DLG2: variants seen among roughly 807,000 people sequenced by gnomAD.
DLG2 encodes disks large homolog 2.
DLG2 carries 45 observed loss-of-function variants against 132.5 expected under a neutral mutation model. The ratio of observed to expected loss-of-function variants is 0.34; its 90% CI spans 0.27 to 0.44. DLG2 has a LOEUF of 0.44. Ranked by LOEUF, DLG2 falls within the 20% of genes least tolerant of loss-of-function variation. The probability of loss-of-function intolerance (pLI) is 1.00; values close to 1 mark genes in which losing one functional copy is unlikely to be tolerated. For missense variants in DLG2, 1,045 were observed against 1,196.9 expected, an observed-to-expected ratio of 0.87 and a Z score of 1.87; for synonymous variants, 424 against 419.6, an observed-to-expected ratio of 1.01 and a Z score of -0.13.
chr11:84,587,356 G>A (rs2099532213), intron 6 of DLG2, among the ~76,000 whole-genome samples: 1 of 152,050 alleles, frequency 6.6e-6, no homozygotes, highest in South Asian at 2.1e-4. Context: ...ACCCAAGACT[G>A]CTCTCATTCC....
chr11:84,670,740 T>C lies in DLG2; in HGVS notation c.358-136009A>G, dbSNP rs145785450. On this transcript the variant is annotated intron_variant, in intron 6 of 27. Coordinates refer to ENST00000376104, the MANE Select transcript of DLG2 (RefSeq NM_001142699.3). Reference sequence around the variant, plus strand: ...ATGACTGAGTGGGTAGAGCCAAGATTTGAACTTAGTCCTGTCTGATTCAAA... The same window carrying C: ...ATGACTGAGTGGGTAGAGCCAAGATCTGAACTTAGTCCTGTCTGATTCAAA... Among the ~76,000 whole-genome samples the C allele has an allele frequency of 1.4e-3, 206 of 152,274 alleles. 3 individuals carry two copies. In the East Asian group the frequency reaches 0.036, roughly 27 times the overall value.
chr11:84,232,028 G>A (rs2097100313), intron 8 of DLG2, among the ~76,000 whole-genome samples: 1 of 151,744 alleles, frequency 6.6e-6, no homozygotes, highest in Non-Finnish European at 1.5e-5. Context: ...GGGGAAGGAA[G>A]AGAAACAAAC....
chr11:84,830,832 C>T (rs1355818702), intron 6 of DLG2, among the ~76,000 whole-genome samples: 3 of 151,182 alleles, frequency 2.0e-5, no homozygotes, highest in Non-Finnish European at 3.0e-5. Context: ...AATATTTAGC[C>T]TGGCCTCACT....
At chr11:84,176,841 T>C (rs185898271) in intron 8 of DLG2, among the ~76,000 whole-genome samples, 27 of 152,240 alleles carry the variant, frequency 1.8e-4, no homozygotes, top group African/African-American at 5.5e-4. Flanking sequence ...TGCTCAAGCA[T>C]AGCTCACTGC....
intron 6 of DLG2, among the ~76,000 whole-genome samples, chr11:84,694,197 G>T (rs915093562): frequency 1.3e-5 from 2 of 151,556 alleles, no homozygotes; most frequent in Non-Finnish European, 3.0e-5. Context: ...TAAGACTGAG[G>T]TCATCTCAGC....
At chr11:83,894,843 T>C (rs2071085049) in intron 15 of DLG2, among the ~76,000 whole-genome samples, 1 of 152,158 alleles carries the variant, frequency 6.6e-6, no homozygotes, top group South Asian at 2.1e-4. Flanking sequence ...ACTCTCTGCC[T>C]TCATGAGATC....
chr11:85,502,851 T>C (rs1017439773), intron 3 of DLG2, among the ~76,000 whole-genome samples: 1 of 152,126 alleles, frequency 6.6e-6, no homozygotes. Flanking sequence ...GAAAAACTCA[T>C]GTGTACCTGG....
At position 85,117,659 on chromosome 11, in the gene DLG2, TA is replaced by T. The variant is rs553981610; in HGVS notation, c.283-5925del. The stretch of plus-strand genomic sequence containing the variant: ...AAATAGGAATAAAAAAAAAAACTAG[TA>T]AAAAAAAAAATGAAAAGAGAAGTCT... On this transcript the variant is annotated intron_variant, in intron 5 of 27. Coordinates refer to ENST00000376104, the MANE Select transcript of DLG2 (RefSeq NM_001142699.3). Among the ~76,000 whole-genome samples, 550 of 123,964 alleles carry T rather than the reference TA, an allele frequency of 4.4e-3. 4 individuals carry two copies. The highest frequency in any genetic ancestry group is 0.014 in the African/African-American group (467 of 33,936). 81.3% of individuals were successfully genotyped at this position (123,964 alleles called of 152,430 possible). A position where few individuals can be genotyped will look rare whatever the true frequency, so the allele number is the denominator to read the frequency against.
chr11:85,225,549 G>T (rs189854740), intron 4 of DLG2, among the ~76,000 whole-genome samples: 571 of 151,866 alleles, frequency 3.8e-3, no homozygotes, highest in Non-Finnish European at 6.5e-3. Context: ...TATGCTTCTG[G>T]TCCCAGTTTC....
intron 15 of DLG2, among the ~76,000 whole-genome samples, chr11:83,920,507 A>G (rs2077675091): frequency 6.6e-6 from 1 of 152,106 alleles, no homozygotes. Context: ...TGGACTCACT[A>G]TTAAGTTATG....
chr11:83,673,170 C>T (rs1206915724), intron 18 of DLG2, among the ~76,000 whole-genome samples: 3 of 152,134 alleles, frequency 2.0e-5, no homozygotes, highest in Non-Finnish European at 4.4e-5. Flanking sequence ...ATATATTTGT[C>T]CATATAATTT....
At chr11:85,000,510 C>T (rs2058114192) in intron 6 of DLG2, among the ~76,000 whole-genome samples, 3 of 152,118 alleles carry the variant, frequency 2.0e-5, no homozygotes, top group Admixed American at 2.0e-4. Flanking sequence ...CATCTATACA[C>T]ACAAAACAAT....
At chr11:84,183,202 A>AAAAGCAC (rs1232268521) in intron 8 of DLG2, among the ~76,000 whole-genome samples, 1 of 152,240 alleles carries the variant, frequency 6.6e-6, no homozygotes, top group Non-Finnish European at 1.5e-5. Flanking sequence ...TCACTTCCAG[A>AAAAGCAC]AAAGAGAAGC....
At chr11:85,317,605 A>G (rs1433220601) in intron 3 of DLG2, among the ~76,000 whole-genome samples, 1 of 151,874 alleles carries the variant, frequency 6.6e-6, no homozygotes, top group Non-Finnish European at 1.5e-5. Flanking sequence ...CCTTCCTCCA[A>G]GGAAAGAATT....
intron 11 of DLG2, among the ~76,000 whole-genome samples, chr11:84,026,991 C>T (rs1284135566): frequency 6.6e-6 from 1 of 151,922 alleles, no homozygotes; most frequent in Non-Finnish European, 1.5e-5. Context: ...CCTCGGTCTT[C>T]TTTTATATTA....
rs1400307 is a variant in DLG2, at chr11:83,864,382, G to A, written c.1565+10038C>T. On this transcript the variant is annotated intron_variant, in intron 16 of 27. Transcript: ENST00000376104. ...TGATTTTCTCAAATATCTCACCAGA[G>A]TGCTTGGCACATACTAGACATTCAG... Among the ~76,000 whole-genome samples the A allele has an allele frequency of 0.011, 1,630 of 152,294 alleles. 62 individuals are homozygous for A. The East Asian group carries it at 0.12, about 11-fold the overall frequency.
chr11:83,681,362 A>T (rs771954765), intron 18 of DLG2, among the ~76,000 whole-genome samples: 1 of 152,156 alleles, frequency 6.6e-6, no homozygotes, highest in African/African-American at 2.4e-5. Flanking sequence ...AAATACCCGG[A>T]GCCCACCCAA....
chr11:85,255,170 TTTAAAG>T (rs1268051008), intron 4 of DLG2, among the ~76,000 whole-genome samples: 1 of 152,166 alleles, frequency 6.6e-6, no homozygotes, highest in Non-Finnish European at 1.5e-5. Context: ...TACAACTGTA[TTTAAAG>T]TTAAATTGCC....
At chr11:83,883,708 G>T (rs1445061502) in intron 15 of DLG2, among the ~76,000 whole-genome samples, 1 of 151,980 alleles carries the variant, frequency 6.6e-6, no homozygotes. Context: ...ATTTTGTTTT[G>T]GGTGGCTAGC....
Sources: allele counts gnomAD v4.1 joint callset (sites outside exome capture counted in the v4.1 genomes callset), GRCh38; gene constraint gnomAD v4.1.1; transcripts MANE v1.5; gene names NCBI Gene and HGNC (gene_info 2026-07-23, HGNC 2026-07-21).